Variants in IRS2 observed in about 807,000 individuals in gnomAD.
IRS2 encodes insulin receptor substrate 2.
In IRS2, 28 loss-of-function variants were observed where a neutral mutation model predicts 70.9. The ratio of observed to expected loss-of-function variants is 0.39; its 90% CI spans 0.29 to 0.54. The LOEUF is 0.54. IRS2 is among the 20% of genes least tolerant of loss of function. IRS2 has a pLI of 0.59. For synonymous variants in IRS2, 1,217 were observed against 981.9 expected (o/e 1.24, Z -4.48); for missense variants, 2,081 against 2,024.1 (o/e 1.03, Z -0.54).
intron 1 of IRS2, among the ~76,000 whole-genome samples, chr13:109,772,850 C>T (rs557553961): frequency 4.6e-5 from 7 of 151,816 alleles, no homozygotes; most frequent in East Asian, 1.9e-4. Flanking sequence ...CGCCCGCCAC[C>T]GCACCCGGCT....
At chr13:109,760,000 AC>A (rs1156897581) in intron 1 of IRS2, among the ~76,000 whole-genome samples, 1 of 152,084 alleles carries the variant, frequency 6.6e-6, no homozygotes, top group African/African-American at 2.4e-5. Flanking sequence ...GTTATCCCTC[AC>A]CCTGAAAATC....
rs1318843123 is a variant in IRS2, at chr13:109,783,862, G to A, written c.2192C>T (p.Ser731Leu). 1.0e-5 allele frequency: 16 copies of A among 1,555,902 alleles called. No homozygotes were observed. In the African/African-American group the frequency reaches 1.4e-4, roughly 13 times the overall value. ...PASGGGYKAS[S>L]PAESSPEDSG... Reference sequence around the variant, plus strand: ...GTCCTCGGGGGAGCTCTCGGCGGGCGAGCTGGCCTTGTAGCCGCCCCCGCT... The same window carrying A: ...GTCCTCGGGGGAGCTCTCGGCGGGCAAGCTGGCCTTGTAGCCGCCCCCGCT... Residue 731 changes from serine (S) to leucine (L), a missense_variant, in exon 1 of 2, where the codon TCG (serine) becomes TTG (leucine). By Grantham distance (145) the Ser-to-Leu change is moderately radical. Around this residue, in one of 4 missense-constraint regions of IRS2, gnomAD observed 1,615 missense variants for 1,459.5 expected, o/e 1.11. Transcript: ENST00000375856.
Position 109,782,193 on chromosome 13 carries a change from G to A in IRS2, c.3861C>T (p.Thr1287=), listed in dbSNP as rs757356167. 2 of 1,606,254 alleles carry A rather than the reference G, an allele frequency of 1.2e-6. No individual in the cohort carries two copies. Among genetic ancestry groups the A allele is most frequent in the East Asian group, 2.2e-5 (1 of 44,732 alleles). The change falls in exon 1 of 2, where the codon ACC becomes ACT. Residue 1287 remains threonine, a synonymous_variant. Transcript: ENST00000375856. ...CGCTGATGAGACCCCCGAGGCTTCG[G>A]GTCCGGCCCCAGGAGCTCTTGTCTC... ...QPGDKSSWGR[T]RSLGGLISAV... is the part of the protein sequence containing the mutation.
rs755451494 is a variant in IRS2 at position 109,784,284 on chromosome 13, G to A, written c.1770C>T (p.Pro590=). Residue 590 remains proline, a synonymous_variant, in exon 1 of 2, where the codon CCC becomes CCT. Coordinates refer to ENST00000375856, the MANE Select transcript of IRS2 (RefSeq NM_003749.3). The surrounding 1 kb of genome is among the most constrained non-coding windows in gnomAD (Gnocchi z 5.2). ...TPARQRPVPQ[P]SSASLDEYTL... Reference sequence around the variant, plus strand: ...TGTATTCATCCAGCGAGGCAGAGGAGGGCTGGGGCACCGGCCGCTGCCGGG... The same window carrying A: ...TGTATTCATCCAGCGAGGCAGAGGAAGGCTGGGGCACCGGCCGCTGCCGGG... The A allele has an allele frequency of 1.8e-5, 29 of 1,597,374 alleles. No individual in the cohort carries two copies. The highest frequency in any genetic ancestry group is 6.7e-5 in the African/African-American group (5 of 74,668).
Position 109,783,753 on chromosome 13 carries a change from G to C in IRS2, c.2301C>G (p.Leu767=). 1.3e-6 allele frequency: 2 copies of C among 1,592,142 alleles called. No individual in the cohort carries two copies. The highest frequency in any genetic ancestry group is 2.3e-5 in the East Asian group (1 of 43,544). ...DGKLLPNGDY[L]NVSPSDAVTT... is the part of the protein sequence containing the mutation. ...TGACCGCGTCGCTGGGGGACACGTT[G>C]AGGTAGTCCCCGTTGGGCAGCAGCT... The change falls in exon 1 of 2, where the codon CTC becomes CTG. Residue 767 remains leucine (L), a synonymous_variant. Transcript: ENST00000375856.
rs76110593 is a variant in IRS2, at chr13:109,784,054, C to T, written c.2000G>A (p.Ser667Asn). 107 of 1,552,740 alleles carry T rather than the reference C, an allele frequency of 6.9e-5. 1 individual carries two copies. The African/African-American group carries it at 1.3e-3, about 19-fold the overall frequency. Residue 667 changes from serine (S) to asparagine (N), a missense_variant, in exon 1 of 2, where the codon AGC becomes AAC. This residue lies in a region of IRS2 where 1,615 missense variants were observed against 1,459.5 expected (regional missense o/e 1.11). Transcript: ENST00000375856. This position sits in a 1 kb window ranked among gnomAD's most constrained non-coding sequence, Gnocchi z 5.2. The part of the protein sequence containing the change: ...TPGAALAGSG[S>N]GSCRSDDYMP... The stretch of plus-strand genomic sequence containing the variant: ...GTAGTCGTCGCTCCTGCAGCTGCCG[C>T]TCCCACTGCCCGCGAGGGCCGCGCC...
In IRS2 at chr13:109,782,535, G is replaced by A; in HGVS notation, c.3519C>T (p.Asn1173=). The change falls in exon 1 of 2, where the codon AAC becomes AAT. Residue 1173 remains asparagine, a synonymous_variant. Coordinates refer to ENST00000375856, the MANE Select transcript of IRS2 (RefSeq NM_003749.3). The part of the protein sequence containing the change: ...PSFAHNPKRH[N]SASVENVSLR... ...GAGAGACATTTTCCACGGAGGCCGA[G>A]TTGTGGCGCTTGGGGTTGTGGGCGA... is the stretch of plus-strand genomic sequence containing the variant. 6.4e-7 allele frequency: 1 copy of A among 1,558,628 alleles called. No homozygotes were observed. Among genetic ancestry groups the A allele is most frequent in the Non-Finnish European group, 8.7e-7 (1 of 1,151,550 alleles).
chr13:109,771,052 A>G (rs1462561464), intron 1 of IRS2, among the ~76,000 whole-genome samples: 1 of 152,210 alleles, frequency 6.6e-6, no homozygotes, highest in African/African-American at 2.4e-5. Flanking sequence ...GCTGCAAATA[A>G]CAGTAAGACG....
rs754818980 is a variant in IRS2 at position 109,782,093 on chromosome 13, C to T, written c.3961G>A (p.Ala1321Thr). 3.7e-6 allele frequency: 6 copies of T among 1,612,452 alleles called. No individual in the cohort carries two copies. Among genetic ancestry groups the T allele is most frequent in the Middle Eastern group, 1.6e-4 (1 of 6,062 alleles). The part of the protein sequence containing the change: ...PGALPPANTY[A>T]SIDFLSHHLK... ...TGGTGGGACAAGAAGTCAATGCTGG[C>T]GTAGGTGTTGGCAGGGGGCAGGGCA... The change falls in exon 1 of 2, where the codon GCC (alanine) becomes ACC (threonine). Residue 1321 changes from alanine to threonine, a missense_variant. Ala to Thr is a moderately conservative substitution (Grantham distance 58). Transcript: ENST00000375856.
chr13:109,763,376 C>CG (rs1877268242), intron 1 of IRS2, among the ~76,000 whole-genome samples: 1 of 152,228 alleles, frequency 6.6e-6, no homozygotes, highest in African/African-American at 2.4e-5. Flanking sequence ...ATCACAAAAT[C>CG]ATTTATGAAG....
At chr13:109,778,048 T>C (rs1877617449) in intron 1 of IRS2, among the ~76,000 whole-genome samples, 1 of 152,252 alleles carries the variant, frequency 6.6e-6, no homozygotes, top group South Asian at 2.1e-4. Context: ...CAAAAGTGTC[T>C]TTCCTGTATA....
In IRS2 at chr13:109,782,874, T is replaced by A. The variant is rs1353119015; in HGVS notation, c.3180A>T (p.Ser1060=). The A allele has an allele frequency of 2.5e-6, 4 of 1,570,010 alleles. No homozygotes were observed. The highest frequency in any genetic ancestry group is 2.3e-5 in the South Asian group (2 of 85,914). The change falls in exon 1 of 2, where the codon TCA becomes TCT. Residue 1060 remains serine (S), a synonymous_variant. Coordinates refer to ENST00000375856, the MANE Select transcript of IRS2 (RefSeq NM_003749.3). ...TGTCCCCGGTGTCCGAGGACAACGA[T>A]GAGGCGGCGCCCGGGCCCTGGGCGG... is the stretch of plus-strand genomic sequence containing the variant. ...VATAQGPGAA[S]SLSSDTGDNG... is the part of the protein sequence containing the mutation.
At chr13:109,776,651 A>T (rs910623551) in intron 1 of IRS2, among the ~76,000 whole-genome samples, 1 of 152,220 alleles carries the variant, frequency 6.6e-6, no homozygotes, top group Non-Finnish European at 1.5e-5. Context: ...ACCTTCACCT[A>T]TGCATTGTAT....
chr13:109,762,970 G>A (rs1877258811), intron 1 of IRS2, among the ~76,000 whole-genome samples: 1 of 152,206 alleles, frequency 6.6e-6, no homozygotes, highest in African/African-American at 2.4e-5. Flanking sequence ...GGCCAGATCT[G>A]GCTTGCCTGT....
chr13:109,768,263 AAATTCTGAAGAT>A (rs1877378722), intron 1 of IRS2, among the ~76,000 whole-genome samples: 1 of 152,232 alleles, frequency 6.6e-6, no homozygotes, highest in Non-Finnish European at 1.5e-5. Flanking sequence ...AATGGAGCCT[AAATTCTGAAGAT>A]AGACCTAAAT....
In IRS2 at chr13:109,785,482, G is replaced by A. The variant is rs1190689049; in HGVS notation, c.572C>T (p.Thr191Met). The A allele has an allele frequency of 1.9e-6, 3 of 1,611,574 alleles. No homozygotes were observed. Among genetic ancestry groups the A allele is most frequent in the Admixed American group, 1.7e-5 (1 of 59,960 alleles). The change falls in exon 1 of 2, where the codon ACG (threonine) becomes ATG (methionine). Residue 191 changes from threonine to methionine, a missense_variant. Transcript: ENST00000375856. This position sits in a 1 kb window ranked among gnomAD's most constrained non-coding sequence, Gnocchi z 9.3. ...EDSYGLVAPA[T>M]AAYREVWQVN... The stretch of plus-strand genomic sequence containing the variant: ...CTGCCACACCTCACGGTAGGCGGCC[G>A]TGGCGGGAGCCACCAGCCCGTAGCT...
chr13:109,784,365 C>A lies in IRS2; in HGVS notation c.1689G>T (p.Ala563=), dbSNP rs1362224332. ...GRSYRRVSGD[A]AQDLDRGLRK... The stretch of plus-strand genomic sequence containing the variant: ...GCAGCCCTCGGTCCAGGTCCTGGGC[C>A]GCGTCCCCCGAGACCCGGCGGTAGG... The change falls in exon 1 of 2, where the codon GCG becomes GCT. Residue 563 remains alanine (A), a synonymous_variant. Transcript: ENST00000375856. This position sits in a 1 kb window ranked among gnomAD's most constrained non-coding sequence, Gnocchi z 5.2. 3 of 1,608,246 alleles carry A rather than the reference C, an allele frequency of 1.9e-6. No individual in the cohort carries two copies. The highest frequency in any genetic ancestry group is 2.5e-6 in the Non-Finnish European group (3 of 1,178,706).
rs771177456 is a variant in IRS2 at position 109,783,060 on chromosome 13, G to C, written c.2994C>G (p.Pro998=). Residue 998 remains proline, a synonymous_variant, in exon 1 of 2, where the codon CCC becomes CCG. Coordinates refer to ENST00000375856, the MANE Select transcript of IRS2 (RefSeq NM_003749.3). ...ACAGGAGGCCGTCCAAGGAGCCCAC[G>C]GGGTGGCCGCTCGGGGCGCCCGGCT... ...SPKPGAPSGH[P]VGSLDGLLSP... 67 of 1,378,980 alleles carry C rather than the reference G, an allele frequency of 4.9e-5. No homozygotes were observed. The highest frequency in any genetic ancestry group is 6.2e-5 in the Non-Finnish European group (66 of 1,072,446). The allele number at this position is 1,378,980 out of a possible 1,614,324, so 85.4% of individuals were successfully genotyped here.
chr13:109,779,793 A>G (rs1877657304), intron 1 of IRS2, among the ~76,000 whole-genome samples: 1 of 152,208 alleles, frequency 6.6e-6, no homozygotes, highest in South Asian at 2.1e-4. Flanking sequence ...GTGATCTCTC[A>G]TCTTTGTTCA....
Sources: gnomAD v4.1 joint callset for allele counts (sites outside exome capture counted in the v4.1 genomes callset) on GRCh38, gnomAD v4.1.1 for gene constraint, gnomAD v4.1.1 regional missense constraint, Gnocchi (gnomAD v3.1) non-coding constraint, MANE v1.5 for transcripts, NCBI Gene and HGNC (gene_info 2026-07-23, HGNC 2026-07-21) for gene names.